TENM2: variants seen among roughly 807,000 people sequenced by gnomAD.
TENM2 encodes teneurin transmembrane protein 2.
In TENM2, 52 loss-of-function variants were observed where a neutral mutation model predicts 245.2. That is an observed-to-expected ratio of 0.21 (90% CI 0.17 to 0.27). The LOEUF is 0.27. TENM2 is among the 10% of genes least tolerant of loss of function. TENM2 has a pLI of 1.00. For synonymous variants in TENM2, 1,363 were observed against 1,438.9 expected (o/e 0.95, Z 1.19); for missense variants, 3,046 against 3,666.8 (o/e 0.83, Z 4.37).
At chr5:167,613,287 T>G (rs1777589661) in intron 2 of TENM2, among the ~76,000 whole-genome samples, 1 of 152,172 alleles carries the variant, frequency 6.6e-6, no homozygotes, top group Non-Finnish European at 1.5e-5. Flanking sequence ...GGGGTTACTA[T>G]GAGGATAATC....
At chr5:167,040,310 A>G in the TENM2 span, among the ~76,000 whole-genome samples, 133 of 152,282 alleles carry the variant, frequency 8.7e-4, no homozygotes, top group African/African-American at 3.1e-3. Context: ...GCAAACCTTG[A>G]TGTAAATCTT....
intron 2 of TENM2, among the ~76,000 whole-genome samples, chr5:167,431,323 G>T (rs1186137740): frequency 6.6e-6 from 1 of 152,102 alleles, no homozygotes; most frequent in Non-Finnish European, 1.5e-5. Context: ...ACTTAGGTTA[G>T]TTCCCCCATA....
chr5:167,370,553 A>C (rs952250765), intron 1 of TENM2, among the ~76,000 whole-genome samples: 2 of 152,178 alleles, frequency 1.3e-5, no homozygotes, highest in Non-Finnish European at 1.5e-5. Flanking sequence ...CTTTATGTAA[A>C]TATTATAGAT....
chr5:167,151,595 T>C, the TENM2 span, among the ~76,000 whole-genome samples: 1 of 152,176 alleles, frequency 6.6e-6, no homozygotes, highest in Non-Finnish European at 1.5e-5. Context: ...CTCGGCTCAC[T>C]GCAAGTTCCA....
In TENM2 at chr5:168,226,274, ACCCATACCATCCTACC is replaced by A; in HGVS notation, c.5284+16_5284+31del. 1 of 1,609,984 alleles carries A rather than the reference ACCCATACCATCCTACC, an allele frequency of 6.2e-7. No individual in the cohort carries two copies. On this transcript the variant is annotated intron_variant, in intron 24 of 28. Transcript: ENST00000518659. ...ACACAGTGGTACAAGGTGAGCCTCCACCCATACCATCCTACCCCCAAACTCACCCATAGACCCAGAA... is the reference window on the plus strand; with the variant it reads ...ACACAGTGGTACAAGGTGAGCCTCCACCCAAACTCACCCATAGACCCAGAA...
At chr5:167,270,552 C>G in the TENM2 span, among the ~76,000 whole-genome samples, 5 of 152,172 alleles carry the variant, frequency 3.3e-5, no homozygotes, top group African/African-American at 1.2e-4. Context: ...ATCCAGTGTT[C>G]ATGCTATCTT....
rs71853736 is a variant in TENM2 at position 167,900,111 on chromosome 5, T to TAAAA, written c.712+23935_712+23938dup. Among the ~76,000 whole-genome samples the TAAAA allele has an allele frequency of 5.2e-3, 228 of 43,442 alleles. 22 individuals are homozygous for TAAAA. The highest frequency in any genetic ancestry group is 0.021 in the African/African-American group (173 of 8,302). The allele number at this position is 43,442 out of a possible 152,430, so 28.5% of individuals were successfully genotyped here. ...CTTTCTGTCTGTGCCCTCAACCCAC[T>TAAAA]AAAAAAAAAAAAAAAAAAAAAAGGG... On this transcript the variant is annotated intron_variant, in intron 3 of 28. Transcript: ENST00000518659.
At chr5:167,691,568 T>A (rs536896776) in intron 2 of TENM2, among the ~76,000 whole-genome samples, 6 of 152,322 alleles carry the variant, frequency 3.9e-5, no homozygotes, top group African/African-American at 1.4e-4. Flanking sequence ...AATCTTATTG[T>A]GCCAGTCTGC....
At chr5:168,179,122 G>A (rs1276690892) in intron 13 of TENM2, among the ~76,000 whole-genome samples, 1 of 133,916 alleles carries the variant, frequency 7.5e-6, no homozygotes, top group Non-Finnish European at 1.6e-5. Context: ...GCAACAGAGT[G>A]AGACTCTGCC....
the TENM2 span, among the ~76,000 whole-genome samples, chr5:166,999,538 A>G: frequency 2.6e-5 from 4 of 152,148 alleles, no homozygotes; most frequent in African/African-American, 9.7e-5. Context: ...TGCTGAGCCC[A>G]TTGATTCAAG....
At chr5:168,234,584 C>A (rs1384235561) in intron 25 of TENM2, among the ~76,000 whole-genome samples, 1 of 152,184 alleles carries the variant, frequency 6.6e-6, no homozygotes, top group Non-Finnish European at 1.5e-5. Flanking sequence ...AAACTCCTGG[C>A]CCTGAGGATC....
intron 3 of TENM2, among the ~76,000 whole-genome samples, chr5:167,949,632 G>A (rs1779920515): frequency 6.6e-6 from 1 of 152,114 alleles, no homozygotes; most frequent in African/African-American, 2.4e-5. Context: ...TCACCAGTTG[G>A]CAGATGAGTA....
chr5:167,462,277 C>T (rs550540957), intron 2 of TENM2, among the ~76,000 whole-genome samples: 1 of 144,786 alleles, frequency 6.9e-6, no homozygotes, highest in Admixed American at 7.4e-5. Flanking sequence ...AGCATGCAGA[C>T]AGGTAGGTGC....
intron 12 of TENM2, among the ~76,000 whole-genome samples, chr5:168,155,555 T>A (rs1451895601): frequency 6.6e-6 from 1 of 152,110 alleles, no homozygotes; most frequent in Non-Finnish European, 1.5e-5. Context: ...TCCAATGTGG[T>A]ATTGCTGGAG....
At chr5:167,345,044 G>A (rs917597635) in intron 1 of TENM2, among the ~76,000 whole-genome samples, 4 of 152,132 alleles carry the variant, frequency 2.6e-5, no homozygotes, top group South Asian at 2.1e-4. Context: ...TTCCTATTGC[G>A]TTGCTGATTA....
At chr5:167,967,666 G>A (rs966440165) in intron 4 of TENM2, among the ~76,000 whole-genome samples, 3 of 152,162 alleles carry the variant, frequency 2.0e-5, no homozygotes, top group Non-Finnish European at 4.4e-5. Flanking sequence ...AGCCTTTACC[G>A]TGGGGACCCA....
At chr5:167,982,209 A>G (rs1189710375) in intron 4 of TENM2, among the ~76,000 whole-genome samples, 1 of 152,036 alleles carries the variant, frequency 6.6e-6, no homozygotes, top group South Asian at 2.1e-4. Context: ...TCTTATCCTC[A>G]GACTTCTCCT....
intron 9 of TENM2, among the ~76,000 whole-genome samples, chr5:168,107,232 G>T (rs142717860): frequency 6.6e-6 from 1 of 151,992 alleles, no homozygotes; most frequent in Non-Finnish European, 1.5e-5. Flanking sequence ...CTTACAGCTG[G>T]ATTTTTCTAT....
chr5:167,393,250 G>T (rs1761866299), intron 2 of TENM2, among the ~76,000 whole-genome samples: 1 of 151,918 alleles, frequency 6.6e-6, no homozygotes, highest in African/African-American at 2.4e-5. Context: ...AGGAAATAAA[G>T]AAAAAACTAT....
Sources: gnomAD v4.1 joint callset for allele counts (sites outside exome capture counted in the v4.1 genomes callset) on GRCh38, gnomAD v4.1.1 for gene constraint, MANE v1.5 for transcripts, NCBI Gene and HGNC (gene_info 2026-07-23, HGNC 2026-07-21) for gene names.